WDFY3: variants seen among roughly 807,000 people sequenced by gnomAD.
The protein encoded by WDFY3 is WD repeat and FYVE domain containing 3.
In WDFY3, 66 loss-of-function variants were observed where a neutral mutation model predicts 409.6. The observed-to-expected ratio is 0.16, with a 90% CI of 0.13 to 0.20. WDFY3 has a LOEUF of 0.20. Ranked by LOEUF, WDFY3 falls within the 10% of genes least tolerant of loss-of-function variation. WDFY3 has a pLI of 1.00. For synonymous variants in WDFY3, 1,521 were observed against 1,537.1 expected (o/e 0.99, Z 0.25); for missense variants, 3,031 against 4,298.1 (o/e 0.71, Z 8.24).
chr4:84,780,955 AT>A (rs1212161797), intron 25 of WDFY3, among the ~76,000 whole-genome samples: 1 of 152,154 alleles, frequency 6.6e-6, no homozygotes, highest in Non-Finnish European at 1.5e-5. Context: ...TTGAGAATGC[AT>A]TTCTGAGTAA....
At position 84,692,862 on chromosome 4, in the gene WDFY3, A is replaced by C. The variant is rs201214875; in HGVS notation, c.9049+23T>G. On this transcript the variant is annotated intron_variant, in intron 59 of 67. Coordinates refer to ENST00000295888, the MANE Select transcript of WDFY3 (RefSeq NM_014991.6). ...ACAATCCCATTAAATCATTAATCAA[A>C]AGTTTATTTCTCATTATTTTACCTT... is the stretch of plus-strand genomic sequence containing the variant. 5 of 1,572,100 alleles carry C rather than the reference A, an allele frequency of 3.2e-6. No individual in the cohort carries two copies. The East Asian group carries it at 6.7e-5, about 21-fold the overall frequency.
At chr4:84,895,761 C>G (rs576993922) in intron 3 of WDFY3, among the ~76,000 whole-genome samples, 1 of 152,206 alleles carries the variant, frequency 6.6e-6, no homozygotes, top group African/African-American at 2.4e-5. Context: ...TGAGAGATTA[C>G]AAGTAATGCC....
At chr4:84,723,921 T>A (rs1277908192) in intron 46 of WDFY3, among the ~76,000 whole-genome samples, 1 of 152,240 alleles carries the variant, frequency 6.6e-6, no homozygotes, top group Non-Finnish European at 1.5e-5. Context: ...GTAGTCCAAT[T>A]CATCATCTAC....
intron 67 of WDFY3, among the ~76,000 whole-genome samples, chr4:84,674,786 T>C (rs1725978350): frequency 6.6e-6 from 1 of 150,936 alleles, no homozygotes; most frequent in Admixed American, 6.6e-5. Flanking sequence ...AAGAATCGCT[T>C]GAACCCAGGA....
chr4:84,863,680 TA>T (rs1760978012), intron 3 of WDFY3, among the ~76,000 whole-genome samples: 1 of 152,186 alleles, frequency 6.6e-6, no homozygotes. Flanking sequence ...TTTCAGGTAT[TA>T]TATTAAAGTC....
chr4:84,927,588 A>G (rs1770169470), intron 2 of WDFY3, among the ~76,000 whole-genome samples: 1 of 152,190 alleles, frequency 6.6e-6, no homozygotes, highest in South Asian at 2.1e-4. Context: ...CCATGTGTCA[A>G]GGGCGGGGCC....
At chr4:84,861,938 T>C (rs2150217936) in intron 3 of WDFY3, among the ~76,000 whole-genome samples, 1 of 152,316 alleles carries the variant, frequency 6.6e-6, no homozygotes, top group Middle Eastern at 3.4e-3. Context: ...ATGCAGAATT[T>C]GGATGAAGGG....
chr4:84,905,410 C>T (rs1271019615), intron 2 of WDFY3, among the ~76,000 whole-genome samples: 2 of 152,124 alleles, frequency 1.3e-5, no homozygotes, highest in Admixed American at 6.5e-5. Context: ...AGAATACTGT[C>T]ATCCAACCAA....
At chr4:84,775,966 C>A (rs1745481619) in intron 27 of WDFY3, among the ~76,000 whole-genome samples, 1 of 151,706 alleles carries the variant, frequency 6.6e-6, no homozygotes, top group South Asian at 2.1e-4. Flanking sequence ...AAAAAAAAAT[C>A]TCCAGGCAGA....
At chr4:84,802,119 T>C (rs1269055306) in intron 16 of WDFY3, among the ~76,000 whole-genome samples, 1 of 151,888 alleles carries the variant, frequency 6.6e-6, no homozygotes, top group African/African-American at 2.4e-5. Flanking sequence ...AGTTAACTTT[T>C]GTATTTTTAG....
At chr4:84,711,067 T>C (rs1732799474) in intron 51 of WDFY3, among the ~76,000 whole-genome samples, 1 of 152,204 alleles carries the variant, frequency 6.6e-6, no homozygotes, top group African/African-American at 2.4e-5. Flanking sequence ...CTCTAGAACT[T>C]GTAAAAGTCA....
chr4:84,886,498 G>GT (rs1764246727), intron 3 of WDFY3: 1 of 151,582 alleles, frequency 6.6e-6, no homozygotes, highest in Admixed American at 6.6e-5. Flanking sequence ...TCAGATACAT[G>GT]TATTTTTTTC....
At chr4:84,686,247 A>C (rs575404721) in intron 62 of WDFY3, among the ~76,000 whole-genome samples, 1 of 152,292 alleles carries the variant, frequency 6.6e-6, no homozygotes, top group South Asian at 2.1e-4. Flanking sequence ...TGGAGCTTGC[A>C]TTGAGCCGAC....
intron 3 of WDFY3, chr4:84,879,434 T>C (rs1763196704): frequency 6.6e-6 from 1 of 152,198 alleles, no homozygotes; most frequent in African/African-American, 2.4e-5. Context: ...CAGCCACGAC[T>C]AGCTCTACTT....
chr4:84,966,091 G>C (rs1424885715), intron 1 of WDFY3, 118 bp downstream of exon 1: 1 of 151,850 alleles, frequency 6.6e-6, no homozygotes, highest in Non-Finnish European at 1.5e-5. Context: ...AGCGGGCGCA[G>C]GGCCGCGAGT....
intron 17 of WDFY3, 136 bp from the exon 18 acceptor site, chr4:84,798,244 T>C (rs1749853158): frequency 1.5e-6 from 1 of 679,120 alleles, no homozygotes; most frequent in Non-Finnish European, 2.4e-6. Context: ...AATAAAACAA[T>C]ATAGTGTTAG....
At position 84,778,720 on chromosome 4, in the gene WDFY3, AACACACACAT is replaced by A. The variant is rs1477222242; in HGVS notation, c.4366-75_4366-66del. 4.7e-6 allele frequency: 7 copies of A among 1,498,116 alleles called. No individual in the cohort carries two copies. In the African/African-American group the frequency reaches 5.6e-5, roughly 12 times the overall value. The allele number at this position is 1,498,116 out of a possible 1,614,324, so 92.8% of individuals were successfully genotyped here. ...CATATATATTCATTACACACACACA[AACACACACAT>A]ACACACACAAACACACACATACACA... On this transcript the variant is annotated intron_variant, in intron 26 of 67. Coordinates refer to ENST00000295888, the MANE Select transcript of WDFY3 (RefSeq NM_014991.6).
intron 39 of WDFY3, chr4:84,739,326 T>C (rs1738000433): frequency 3.9e-6 from 2 of 512,874 alleles, no homozygotes; most frequent in Non-Finnish European, 7.0e-6. Context: ...TAGACTGATC[T>C]ATAGCATCAA....
At chr4:84,748,685 T>C (rs1287987236) in intron 36 of WDFY3, among the ~76,000 whole-genome samples, 1 of 152,168 alleles carries the variant, frequency 6.6e-6, no homozygotes, top group Non-Finnish European at 1.5e-5. Context: ...TCTCCTACTT[T>C]TATGCTAATG....
Sources: gnomAD v4.1 joint callset for allele counts (sites outside exome capture counted in the v4.1 genomes callset) on GRCh38, gnomAD v4.1.1 for gene constraint, MANE v1.5 for transcripts, NCBI Gene and HGNC (gene_info 2026-07-23, HGNC 2026-07-21) for gene names.